CTNNA3: variants seen among roughly 807,000 people sequenced by gnomAD.
CTNNA3 encodes the protein catenin alpha-3.
CTNNA3 carries 76 observed loss-of-function variants against 95.7 expected under a neutral mutation model. The observed-to-expected ratio is 0.79, with a 90% CI of 0.66 to 0.96. The LOEUF (loss-of-function observed/expected upper bound fraction) is 0.96, where lower values mean the gene tolerates loss of function less well. Among genes scored for constraint, CTNNA3 ranks in the 40% least tolerant of loss-of-function variants. The pLI, the probability that CTNNA3 is intolerant of heterozygous loss-of-function variation, is 0.00. For missense variants in CTNNA3, 1,191 were observed against 1,089.8 expected, an observed-to-expected ratio of 1.09 and a Z score of -1.31; for synonymous variants, 431 against 374.4, an observed-to-expected ratio of 1.15 and a Z score of -1.74.
At chr10:67,291,419 T>C (rs1839834216) in intron 5 of CTNNA3, among the ~76,000 whole-genome samples, 1 of 152,196 alleles carries the variant, frequency 6.6e-6, no homozygotes, top group Non-Finnish European at 1.5e-5. Context: ...TGATTTTCTA[T>C]AGGTCTCCAC....
intron 5 of CTNNA3, among the ~76,000 whole-genome samples, chr10:67,232,026 T>G (rs1865235206): frequency 6.6e-6 from 1 of 152,116 alleles, no homozygotes; most frequent in Admixed American, 6.5e-5. Context: ...AGACCAAATC[T>G]ACGTCTGATT....
At chr10:67,099,547 A>C (rs1858212643) in intron 7 of CTNNA3, 1 of 152,244 alleles carries the variant, frequency 6.6e-6, no homozygotes, top group Non-Finnish European at 1.5e-5. Flanking sequence ...AGTTTTATGC[A>C]GGTTTGTCAC....
intron 12 of CTNNA3, among the ~76,000 whole-genome samples, chr10:66,306,511 A>C (rs2091936251): frequency 6.6e-6 from 1 of 152,210 alleles, no homozygotes. Context: ...ATTAGAATTT[A>C]TGGCTGTGCC....
chr10:67,101,397 T>C (rs759434613), intron 7 of CTNNA3, among the ~76,000 whole-genome samples: 2 of 151,684 alleles, frequency 1.3e-5, no homozygotes, highest in Non-Finnish European at 3.0e-5. Context: ...TGGCAAGATT[T>C]CTTCTTAAAC....
intron 5 of CTNNA3, among the ~76,000 whole-genome samples, chr10:67,260,264 T>A (rs1866544882): frequency 6.6e-6 from 1 of 151,984 alleles, no homozygotes; most frequent in South Asian, 2.1e-4. Context: ...ACTCAGAAGA[T>A]GCTACACTCG....
At chr10:66,562,453 T>A (rs1343750159) in intron 10 of CTNNA3, among the ~76,000 whole-genome samples, 1 of 152,108 alleles carries the variant, frequency 6.6e-6, no homozygotes, top group Non-Finnish European at 1.5e-5. Flanking sequence ...AGCACGTTTA[T>A]CTCCTTTAAG....
chr10:66,532,467 GA>G (rs56400755), intron 10 of CTNNA3, among the ~76,000 whole-genome samples: 75,224 of 135,988 alleles, frequency 0.55, 19,963 homozygotes, highest in Middle Eastern at 0.73. Context: ...GTCTCAAAAA[GA>G]AAAAAAAAAA....
intron 7 of CTNNA3, among the ~76,000 whole-genome samples, chr10:66,830,442 A>C (rs938400198): frequency 1.0e-4 from 10 of 97,228 alleles, no homozygotes; most frequent in African/African-American, 2.2e-4. Flanking sequence ...GACAGAGGTT[A>C]AGTTATTTAC....
chr10:67,727,562 TATA>T (rs1194768629), intron 1 of CTNNA3, among the ~76,000 whole-genome samples: 2 of 129,332 alleles, frequency 1.5e-5, no homozygotes, highest in Non-Finnish European at 3.1e-5. Flanking sequence ...ATATATAATA[TATA>T]ATATGTAGCA....
intron 11 of CTNNA3, among the ~76,000 whole-genome samples, chr10:66,433,660 T>A (rs144437759): frequency 0.12 from 17,820 of 152,210 alleles, 1,505 homozygotes; most frequent in African/African-American, 0.24. Context: ...AGATCCCATT[T>A]GTCAATTTTG....
At chr10:66,709,755 T>A (rs1187271143) in intron 9 of CTNNA3, among the ~76,000 whole-genome samples, 1 of 152,094 alleles carries the variant, frequency 6.6e-6, no homozygotes, top group African/African-American at 2.4e-5. Flanking sequence ...GCCCACTCTT[T>A]AAGACCCCTT....
chr10:67,491,031 A>G (rs1326087008), intron 5 of CTNNA3, among the ~76,000 whole-genome samples: 1 of 152,160 alleles, frequency 6.6e-6, no homozygotes, highest in African/African-American at 2.4e-5. Context: ...ACCTACAAGT[A>G]TTCTAAAAAG....
At chr10:66,272,244 A>G (rs1386137391) in intron 13 of CTNNA3, among the ~76,000 whole-genome samples, 1 of 152,234 alleles carries the variant, frequency 6.6e-6, no homozygotes, top group African/African-American at 2.4e-5. Context: ...TACTTCCAGA[A>G]GGGACAAAGT....
intron 17 of CTNNA3, among the ~76,000 whole-genome samples, chr10:65,925,510 T>G (rs577545000): frequency 6.6e-6 from 1 of 152,200 alleles, no homozygotes; most frequent in East Asian, 1.9e-4. Flanking sequence ...GATCTCAGCT[T>G]ACTGCAACTT....
At chr10:67,337,123 G>A (rs138264233) in intron 5 of CTNNA3, among the ~76,000 whole-genome samples, 1 of 152,054 alleles carries the variant, frequency 6.6e-6, no homozygotes, top group Non-Finnish European at 1.5e-5. Flanking sequence ...TGATGGACCT[G>A]AGCAAAGTAA....
chr10:67,722,369 G>A (rs1404005391), intron 1 of CTNNA3, among the ~76,000 whole-genome samples: 2 of 152,154 alleles, frequency 1.3e-5, no homozygotes, highest in Admixed American at 1.3e-4. Context: ...TATAGAAGGT[G>A]AGGCAAAGCA....
intron 10 of CTNNA3, among the ~76,000 whole-genome samples, chr10:66,597,523 T>C (rs1219976327): frequency 7.2e-5 from 7 of 96,830 alleles, no homozygotes; most frequent in African/African-American, 2.9e-4. Flanking sequence ...TATATATATA[T>C]ATATATATAT....
Position 67,303,012 on chromosome 10 carries a change from C to T in CTNNA3, c.580-83142G>A, listed in dbSNP as rs1053023746. ...TGTCAGAAATGCAAATTTTGGACCT[C>T]ACCCGAGACCTATTAAATTAGAAAT... is the stretch of plus-strand genomic sequence containing the variant. On this transcript the variant is annotated intron_variant, in intron 5 of 17. Transcript: ENST00000433211. Among the ~76,000 whole-genome samples the T allele has an allele frequency of 7.2e-5, 11 of 152,170 alleles. No individual in the cohort carries two copies. In the East Asian group the frequency reaches 7.7e-4, roughly 11 times the overall value.
intron 14 of CTNNA3, among the ~76,000 whole-genome samples, chr10:66,076,440 AATATTTTAAAATTAAC>A (rs1334929009): frequency 6.6e-6 from 1 of 151,826 alleles, no homozygotes; most frequent in East Asian, 1.9e-4. Flanking sequence ...AATTTTCTGT[AATATTTTAAAATTAAC>A]ATTTAGGAAT....
Sources: allele counts gnomAD v4.1 joint callset (sites outside exome capture counted in the v4.1 genomes callset), GRCh38; gene constraint gnomAD v4.1.1; transcripts MANE v1.5; gene names NCBI Gene and HGNC (gene_info 2026-07-23, HGNC 2026-07-21).